Variants in NECTIN1 observed in about 807,000 individuals in gnomAD.
The protein encoded by NECTIN1 is nectin cell adhesion molecule 1.
In NECTIN1, 23 loss-of-function variants were observed where a neutral mutation model predicts 48.0. That is an observed-to-expected ratio of 0.48 (90% CI 0.34 to 0.68). NECTIN1 has a LOEUF of 0.68. Ranked by LOEUF, NECTIN1 falls within the 30% of genes least tolerant of loss-of-function variation. NECTIN1 has a pLI of 0.01. For missense variants in NECTIN1, 591 were observed against 709.9 expected, an observed-to-expected ratio of 0.83 and a Z score of 1.90; for synonymous variants, 270 against 288.9, an observed-to-expected ratio of 0.93 and a Z score of 0.66.
intron 1 of NECTIN1, among the ~76,000 whole-genome samples, chr11:119,724,211 G>T (rs917425481): frequency 2.0e-5 from 3 of 152,098 alleles, no homozygotes; most frequent in African/African-American, 7.2e-5. Flanking sequence ...AGGAAGCAAA[G>T]ATGCCAAATT....
intron 1 of NECTIN1, among the ~76,000 whole-genome samples, chr11:119,711,766 G>A (rs560586311): frequency 6.6e-6 from 1 of 152,334 alleles, no homozygotes; most frequent in African/African-American, 2.4e-5. Flanking sequence ...TTGTGGGAGT[G>A]TAGAGCAGTC....
chr11:119,700,137 GC>G (rs892512824), intron 1 of NECTIN1, among the ~76,000 whole-genome samples: 1 of 152,214 alleles, frequency 6.6e-6, no homozygotes, highest in Admixed American at 6.5e-5. Flanking sequence ...TGAGGGTTTT[GC>G]CAGGAGGCCT....
At chr11:119,690,007 T>A (rs1865225723) in intron 1 of NECTIN1, among the ~76,000 whole-genome samples, 1 of 152,262 alleles carries the variant, frequency 6.6e-6, no homozygotes, top group African/African-American at 2.4e-5. Context: ...GCACGTAACG[T>A]CTGGGTTAGA....
chr11:119,691,339 C>G (rs1865248407), intron 1 of NECTIN1, among the ~76,000 whole-genome samples: 1 of 152,224 alleles, frequency 6.6e-6, no homozygotes, highest in Non-Finnish European at 1.5e-5. Flanking sequence ...TGGGGTCACC[C>G]TGGAGGGCAG....
rs764371211 is a variant in NECTIN1 at position 119,678,507 on chromosome 11, C to T, written c.338G>A (p.Arg113His). The T allele has an allele frequency of 1.1e-5, 18 of 1,614,074 alleles. No homozygotes were observed. Among genetic ancestry groups the T allele is most frequent in the Middle Eastern group, 1.6e-4 (1 of 6,084 alleles). Residue 113 changes from arginine (R) to histidine (H), a missense_variant, in exon 2 of 6, where the codon CGC becomes CAC. Transcript: ENST00000264025. This position sits in a 1 kb window ranked among gnomAD's most constrained non-coding sequence, Gnocchi z 4.4. ...GACACCCTCATCCTCCAGCTCCAGG[C>T]GGGAGAGGCGGATAGTGCCATCGGT... ...SFTDGTIRLS[R>H]LELEDEGVYI...
intron 1 of NECTIN1, chr11:119,713,517 C>G (rs564037976): frequency 4.6e-5 from 7 of 152,920 alleles, no homozygotes; most frequent in African/African-American, 1.5e-4. Context: ...CCGTCTCCCC[C>G]CTTCCCCTGC....
chr11:119,648,292 G>GTGATGGTGGTGA (rs1565376477), intron 5 of NECTIN1, among the ~76,000 whole-genome samples: 1 of 19,264 alleles, frequency 5.2e-5, no homozygotes, highest in Non-Finnish European at 8.8e-5. Context: ...GGTGGTGATG[G>GTGATGGTGGTGA]TGGTGGTGGT....
rs79306256 is a variant in NECTIN1 at position 119,662,014 on chromosome 11, A to C, written c.*2733T>G. 527 of 985,194 alleles carry C rather than the reference A, an allele frequency of 5.3e-4. 4 individuals carry two copies. The African/African-American group carries it at 7.5e-3, about 14-fold the overall frequency. The allele number at this position is 985,194 out of a possible 1,614,324, so 61.0% of individuals were successfully genotyped here. ...GGGGACTCGGCTGGTTCTATTACAC[A>C]TTAGAACAATATCAAAATCTGTAAG... On this transcript the variant is annotated 3_prime_UTR_variant, in exon 6 of 6. Coordinates refer to ENST00000264025, the MANE Select transcript of NECTIN1 (RefSeq NM_002855.5). The surrounding 1 kb of genome is among the most constrained non-coding windows in gnomAD (Gnocchi z 5.3).
At position 119,727,952 on chromosome 11, in the gene NECTIN1, C is replaced by CCGCTGTGGGG. The variant is rs1168597538; in HGVS notation, c.79+513_79+522dup. 8.5e-5 allele frequency among the ~76,000 whole-genome samples: 13 copies of CCGCTGTGGGG among 152,312 alleles called. No homozygotes were observed. In the South Asian group the frequency reaches 2.7e-3, roughly 32 times the overall value. On this transcript the variant is annotated intron_variant, in intron 1 of 5. Coordinates refer to ENST00000264025, the MANE Select transcript of NECTIN1 (RefSeq NM_002855.5). This position sits in a 1 kb window ranked among gnomAD's most constrained non-coding sequence, Gnocchi z 4.1. ...TGCCGCAGCAGCCGACTCTCCGCGCCCGCTGTGGGGCGGTGTGGGGCGGGA... is the reference window on the plus strand; with the variant it reads ...TGCCGCAGCAGCCGACTCTCCGCGCCCGCTGTGGGGCGCTGTGGGGCGGTGTGGGGCGGGA...
chr11:119,662,610 C>G lies in NECTIN1; in HGVS notation c.*2137G>C. On this transcript the variant is annotated 3_prime_UTR_variant, in exon 6 of 6. Coordinates refer to ENST00000264025, the MANE Select transcript of NECTIN1 (RefSeq NM_002855.5). The surrounding 1 kb of genome is among the most constrained non-coding windows in gnomAD (Gnocchi z 5.3). ...AGACAGGGACAGGAAATGCCTCTAT[C>G]AGGCAGGCCCCTGGGATTGCCTCCT... 1.0e-6 allele frequency: 1 copy of G among 985,552 alleles called. No homozygotes were observed. The highest frequency in any genetic ancestry group is 1.2e-6 in the Non-Finnish European group (1 of 830,000). The allele number at this position is 985,552 out of a possible 1,614,324, so 61.1% of individuals were successfully genotyped here.
At chr11:119,706,261 A>G (rs1232174304) in intron 1 of NECTIN1, among the ~76,000 whole-genome samples, 1 of 152,226 alleles carries the variant, frequency 6.6e-6, no homozygotes, top group East Asian at 1.9e-4. Context: ...CAGCGGACCG[A>G]CAGCCCAAGA....
In NECTIN1 at chr11:119,672,838, G is replaced by A. The variant is rs146534622; in HGVS notation, c.1003+2321C>T. Among the ~76,000 whole-genome samples, 399 of 152,214 alleles carry A rather than the reference G, an allele frequency of 2.6e-3. 2 individuals are homozygous for A. Among genetic ancestry groups the A allele is most frequent in the Non-Finnish European group, 4.2e-3 (284 of 68,008 alleles). On this transcript the variant is annotated intron_variant, in intron 5 of 5. Transcript: ENST00000264025. This position sits in a 1 kb window ranked among gnomAD's most constrained non-coding sequence, Gnocchi z 4.3. The stretch of plus-strand genomic sequence containing the variant: ...AACCACTCAGTGCTCCTTCCTCAGG[G>A]GCCCAGGTCCCCAAGAAGCCATGCC...
chr11:119,685,795 G>A (rs1865144535), intron 1 of NECTIN1, among the ~76,000 whole-genome samples: 1 of 152,208 alleles, frequency 6.6e-6, no homozygotes, highest in Non-Finnish European at 1.5e-5. Flanking sequence ...TGCTCACCTG[G>A]ACACTGAGAG....
At chr11:119,649,746 G>A (rs1182673987) in intron 5 of NECTIN1, among the ~76,000 whole-genome samples, 1 of 152,140 alleles carries the variant, frequency 6.6e-6, no homozygotes, top group African/African-American at 2.4e-5. Flanking sequence ...ATAAAAACAC[G>A]GGAATGGCAG....
intron 1 of NECTIN1, among the ~76,000 whole-genome samples, chr11:119,725,576 T>A (rs1030641215): frequency 1.3e-5 from 2 of 152,180 alleles, no homozygotes; most frequent in Admixed American, 1.3e-4. Flanking sequence ...GGTTTTGCCA[T>A]AATGCCTTGC....
At chr11:119,715,219 TAA>T (rs1193047964) in intron 1 of NECTIN1, among the ~76,000 whole-genome samples, 1 of 152,174 alleles carries the variant, frequency 6.6e-6, no homozygotes, top group Non-Finnish European at 1.5e-5. Context: ...CTTCCAATGC[TAA>T]GACTCCAGGA....
intron 6 of NECTIN1, among the ~76,000 whole-genome samples, chr11:119,639,170 C>T (rs909829232): frequency 6.6e-6 from 1 of 152,132 alleles, no homozygotes; most frequent in Non-Finnish European, 1.5e-5. Context: ...TATGCGGCAC[C>T]GACAGCCTTA....
chr11:119,705,858 C>T (rs751882122), intron 1 of NECTIN1, among the ~76,000 whole-genome samples: 25 of 151,648 alleles, frequency 1.6e-4, no homozygotes, highest in Middle Eastern at 3.2e-3. Flanking sequence ...TCAAGGTCTA[C>T]GGAGCCCTCC....
intron 5 of NECTIN1, among the ~76,000 whole-genome samples, chr11:119,654,423 T>G (rs1488533471): frequency 1.3e-5 from 2 of 152,020 alleles, no homozygotes; most frequent in East Asian, 3.8e-4. Context: ...GTAGGCCAGG[T>G]TCAGGGAGGA....
Sources: allele counts gnomAD v4.1 joint callset (sites outside exome capture counted in the v4.1 genomes callset), GRCh38; gene constraint gnomAD v4.1.1; non-coding constraint Gnocchi (gnomAD v3.1); transcripts MANE v1.5; gene names NCBI Gene and HGNC (gene_info 2026-07-23, HGNC 2026-07-21).